The following SRGAP3 variants were observed in gnomAD, a reference collection of about 807,000 sequenced individuals.
SRGAP3 encodes SLIT-ROBO Rho GTPase-activating protein 3.
In SRGAP3, 39 loss-of-function variants were observed where a neutral mutation model predicts 121.1. That is an observed-to-expected ratio of 0.32 (90% confidence interval 0.25 to 0.42). The LOEUF (loss-of-function observed/expected upper bound fraction) is 0.42. Ranked by LOEUF, SRGAP3 falls within the 10% of genes least tolerant of loss-of-function variation. The pLI, the probability that SRGAP3 is intolerant of heterozygous loss-of-function variation, is 1.00. For synonymous variants in SRGAP3, 601 were observed against 570.0 expected, an observed-to-expected ratio of 1.05 and a Z score of -0.77; for missense variants, 1,213 against 1,470.6, an observed-to-expected ratio of 0.82 and a Z score of 2.86.
At chr3:9,199,133 G>A (rs1001424992) in intron 1 of SRGAP3, among the ~76,000 whole-genome samples, 11 of 152,142 alleles carry the variant, frequency 7.2e-5, no homozygotes, top group African/African-American at 2.7e-4. Flanking sequence ...AAGCCTGAAA[G>A]GTTTAATCTC....
intron 6 of SRGAP3, 103 bp from the exon 7 acceptor site, chr3:9,058,575 C>G (rs920199968): frequency 8.1e-7 from 1 of 1,237,600 alleles, no homozygotes; most frequent in Admixed American, 1.8e-5. Flanking sequence ...TTTCCACAGC[C>G]GAATCTTCCA....
At chr3:9,305,494 T>A (rs1276919627) in intron 3 of SRGAP3, among the ~76,000 whole-genome samples, 1 of 151,886 alleles carries the variant, frequency 6.6e-6, no homozygotes, top group Non-Finnish European at 1.5e-5. Context: ...TGTGCCATGT[T>A]GGTTTGCTGC....
chr3:9,221,354 G>A lies in SRGAP3; in HGVS notation c.67+27531C>T, dbSNP rs117830703. On this transcript the variant is annotated intron_variant, in intron 1 of 21. Coordinates refer to ENST00000383836, the MANE Select transcript of SRGAP3 (RefSeq NM_014850.4). ...GAGACCAACCTGGGCAGCAGAGCAC[G>A]ACCCTGTTTCTACAAAAACATTTTT... Among the ~76,000 whole-genome samples the A allele has an allele frequency of 1.4e-4, 21 of 152,184 alleles. No individual in the cohort carries two copies. The East Asian group carries it at 3.1e-3, about 22-fold the overall frequency.
At chr3:9,338,728 G>A (rs1166757297) in intron 1 of SRGAP3, among the ~76,000 whole-genome samples, 2 of 152,174 alleles carry the variant, frequency 1.3e-5, no homozygotes, top group Admixed American at 6.5e-5. Flanking sequence ...AGAAGTTAAC[G>A]AAAATAAGCC....
chr3:8,997,682 C>A (rs967093065), intron 18 of SRGAP3, among the ~76,000 whole-genome samples: 3 of 152,114 alleles, frequency 2.0e-5, no homozygotes, highest in East Asian at 1.9e-4. Flanking sequence ...TTTTTAAACA[C>A]AAAGTAAAAT....
intron 1 of SRGAP3, among the ~76,000 whole-genome samples, chr3:9,151,393 G>A (rs1447027410): frequency 6.6e-6 from 1 of 152,176 alleles, no homozygotes; most frequent in Admixed American, 6.5e-5. Flanking sequence ...AGGCAGCCTG[G>A]AGCCAGACCA....
chr3:9,197,056 G>A (rs1364159192), intron 1 of SRGAP3, among the ~76,000 whole-genome samples: 2 of 152,084 alleles, frequency 1.3e-5, no homozygotes, highest in East Asian at 1.9e-4. Flanking sequence ...TTTCACTCAC[G>A]ACAAGAAAAG....
At chr3:9,093,208 CT>C (rs1383758252) in intron 3 of SRGAP3, among the ~76,000 whole-genome samples, 1 of 152,198 alleles carries the variant, frequency 6.6e-6, no homozygotes, top group African/African-American at 2.4e-5. Flanking sequence ...CTTATTACTG[CT>C]GAATCACTGA....
chr3:9,051,710 C>CT (rs36044423), intron 9 of SRGAP3, among the ~76,000 whole-genome samples: 36,172 of 103,112 alleles, frequency 0.35, 7,542 homozygotes, highest in East Asian at 0.55. Flanking sequence ...TTGCTCAATT[C>CT]TTTTTTTTTT....
chr3:9,165,012 G>A (rs899844443), intron 1 of SRGAP3, among the ~76,000 whole-genome samples: 2 of 152,248 alleles, frequency 1.3e-5, no homozygotes, highest in Non-Finnish European at 2.9e-5. Flanking sequence ...ATACATTTTG[G>A]AGCCAGCACC....
At chr3:9,330,732 T>G (rs1166887469) in intron 1 of SRGAP3, 2 of 151,406 alleles carry the variant, frequency 1.3e-5, no homozygotes. Context: ...TCAGAACAAA[T>G]TTATAGACAA....
intron 3 of SRGAP3, among the ~76,000 whole-genome samples, chr3:9,086,137 C>A (rs1200613042): frequency 6.6e-6 from 1 of 152,254 alleles, no homozygotes; most frequent in African/African-American, 2.4e-5. Flanking sequence ...GTCCCAGGGT[C>A]TGCTTCCTGG....
At chr3:9,003,858 T>C (rs1942913371) in intron 18 of SRGAP3, among the ~76,000 whole-genome samples, 1 of 152,182 alleles carries the variant, frequency 6.6e-6, no homozygotes, top group Non-Finnish European at 1.5e-5. Flanking sequence ...GGATGTTCAC[T>C]CTCATCACTT....
At chr3:9,163,852 G>C (rs1950686525) in intron 1 of SRGAP3, among the ~76,000 whole-genome samples, 1 of 152,070 alleles carries the variant, frequency 6.6e-6, no homozygotes, top group Non-Finnish European at 1.5e-5. Context: ...GGTAGACTCA[G>C]CTCAACTCCT....
chr3:9,073,156 C>A (rs1575027472), intron 4 of SRGAP3, among the ~76,000 whole-genome samples: 1 of 152,104 alleles, frequency 6.6e-6, no homozygotes, highest in African/African-American at 2.4e-5. Context: ...AATTTTAATT[C>A]TTTTTAAGAC....
intron 18 of SRGAP3, among the ~76,000 whole-genome samples, chr3:8,995,198 G>A (rs908807414): frequency 1.9e-4 from 29 of 152,204 alleles, no homozygotes; most frequent in African/African-American, 6.5e-4. Flanking sequence ...GAGGCTGGGC[G>A]TGGTAGCTTA....
intron 3 of SRGAP3, among the ~76,000 whole-genome samples, chr3:9,301,512 T>C (rs986276297): frequency 6.6e-6 from 1 of 152,230 alleles, no homozygotes; most frequent in Admixed American, 6.5e-5. Flanking sequence ...TTCTCTCTTT[T>C]GTGCCACGTA....
Position 9,038,084 on chromosome 3 carries a change from C to T in SRGAP3, c.1415G>A (p.Arg472Lys). ...LLKQTLGEGE[R>K]AECGTTRPPC... ...TCACCTGGTGGTGCCGCATTCTGCT[C>T]TTTCCCCTGCAAAGAAAAGTATACA... Residue 472 changes from arginine (R) to lysine (K), a missense_variant, in exon 11 of 22, where the codon AGA (arginine) becomes AAA (lysine). By Grantham distance (26) the Arg-to-Lys change is conservative (BLOSUM62 2). This residue lies in a region of SRGAP3 where 793 missense variants were observed against 1,032.9 expected (regional missense o/e 0.77). Coordinates refer to ENST00000383836, the MANE Select transcript of SRGAP3 (RefSeq NM_014850.4). 6.2e-7 allele frequency: 1 copy of T among 1,614,222 alleles called. No individual in the cohort carries two copies. Among genetic ancestry groups the T allele is most frequent in the Non-Finnish European group, 8.5e-7 (1 of 1,180,038 alleles).
At chr3:9,133,958 G>T (rs1277564138) in intron 1 of SRGAP3, among the ~76,000 whole-genome samples, 5 of 152,120 alleles carry the variant, frequency 3.3e-5, no homozygotes, top group Admixed American at 3.3e-4. Context: ...TCAGGAAGGG[G>T]CTTATTATAC....
Sources: allele counts gnomAD v4.1 joint callset (sites outside exome capture counted in the v4.1 genomes callset), GRCh38; gene constraint gnomAD v4.1.1; regional missense constraint gnomAD v4.1.1; transcripts MANE v1.5; gene names NCBI Gene and HGNC (gene_info 2026-07-23, HGNC 2026-07-21).